Variants in CAPS2 observed in about 807,000 individuals in gnomAD.
The protein encoded by CAPS2 is calcyphosin-2.
In CAPS2, 98 loss-of-function variants were observed where a neutral mutation model predicts 86.5. The observed-to-expected ratio is 1.13, with a 90% CI of 0.96 to 1.34. The LOEUF (loss-of-function observed/expected upper bound fraction) is 1.34. CAPS2 is among the 40% of genes most tolerant of loss of function. The pLI is 0.00. For missense variants in CAPS2, 729 were observed against 686.8 expected, an observed-to-expected ratio of 1.06 and a Z score of -0.69; for synonymous variants, 210 against 225.1, an observed-to-expected ratio of 0.93 and a Z score of 0.60.
At chr12:75,313,318 C>T (rs1208442786) in intron 6 of CAPS2, among the ~76,000 whole-genome samples, 3 of 152,222 alleles carry the variant, frequency 2.0e-5, no homozygotes, top group South Asian at 2.1e-4. Flanking sequence ...AAATAAGCTT[C>T]GTCTAACACT....
intron 11 of CAPS2, among the ~76,000 whole-genome samples, chr12:75,298,016 C>CA (rs752272816): frequency 3.9e-5 from 6 of 152,154 alleles, no homozygotes; most frequent in Non-Finnish European, 7.4e-5. Flanking sequence ...CTGCCAGCTC[C>CA]AAAAAAGCAG....
At chr12:75,374,863 G>A (rs1357197019) in intron 1 of CAPS2, among the ~76,000 whole-genome samples, 1 of 152,116 alleles carries the variant, frequency 6.6e-6, no homozygotes, top group Non-Finnish European at 1.5e-5. Context: ...AACCACACAT[G>A]GTACAGCAGC....
chr12:75,289,886 T>C, intron 13 of CAPS2, 111 bp from the exon 14 acceptor site: 1 of 758,526 alleles, frequency 1.3e-6, no homozygotes, highest in Non-Finnish European at 2.1e-6. Context: ...ATAAGGAATG[T>C]GAATATTCAA....
intron 2 of CAPS2, among the ~76,000 whole-genome samples, chr12:75,324,168 T>C (rs1177988226): frequency 1.3e-5 from 2 of 152,202 alleles, no homozygotes; most frequent in African/African-American, 4.8e-5. Flanking sequence ...ATCACTCATG[T>C]CACTTTTTAA....
chr12:75,376,468 TA>T (rs1242157092), intron 1 of CAPS2, among the ~76,000 whole-genome samples: 4 of 152,222 alleles, frequency 2.6e-5, no homozygotes. Flanking sequence ...ATTATAGGTC[TA>T]GAAGCAAACA....
chr12:75,279,317 A>T (rs1470499603), intron 16 of CAPS2, among the ~76,000 whole-genome samples: 1 of 151,926 alleles, frequency 6.6e-6, no homozygotes, highest in Non-Finnish European at 1.5e-5. Flanking sequence ...AGTTTTTTTG[A>T]TCATAAATTT....
At chr12:75,289,478 G>A (rs1002974195) in intron 14 of CAPS2, 143 bp downstream of exon 14, 4 of 663,336 alleles carry the variant, frequency 6.0e-6, no homozygotes, top group South Asian at 2.5e-5. Flanking sequence ...AAACCAACAG[G>A]GCTTGTAACC....
chr12:75,285,045 A>G, exon 15 of CAPS2: 1 of 1,611,786 alleles, frequency 6.2e-7, no homozygotes, highest in Non-Finnish European at 8.5e-7. Flanking sequence ...TGCCATTGCC[A>G]TTGTCATTCA....
intron 7 of CAPS2, chr12:75,306,006 T>C: frequency 6.8e-7 from 1 of 1,462,600 alleles, no homozygotes; most frequent in Non-Finnish European, 9.4e-7. Flanking sequence ...CTCCTGCTCA[T>C]GATCCTGAGC....
At chr12:75,294,105 T>C (rs993160323) in intron 11 of CAPS2, among the ~76,000 whole-genome samples, 2 of 151,980 alleles carry the variant, frequency 1.3e-5, no homozygotes, top group African/African-American at 2.4e-5. Flanking sequence ...CTGGTTCTTA[T>C]CTTTATTTTT....
At chr12:75,295,499 T>A (rs2036726147) in intron 11 of CAPS2, among the ~76,000 whole-genome samples, 3 of 152,212 alleles carry the variant, frequency 2.0e-5, no homozygotes, top group South Asian at 4.1e-4. Flanking sequence ...ATGTTTTCAA[T>A]ACAAAAATAG....
At chr12:75,326,950 T>C (rs1295586521), upstream of CAPS2, among the ~76,000 whole-genome samples, 2 of 152,076 alleles carry the variant, frequency 1.3e-5, no homozygotes, top group Non-Finnish European at 2.9e-5. Context: ...ATGCTAGGCA[T>C]TCTGGTTCTG....
intron 1 of CAPS2, among the ~76,000 whole-genome samples, chr12:75,365,550 T>A (rs913278332): frequency 1.3e-5 from 2 of 152,116 alleles, no homozygotes; most frequent in Non-Finnish European, 2.9e-5. Context: ...AATACATTTT[T>A]AAAAAAATGT....
At chr12:75,389,985 A>C (rs1181179952) in intron 1 of CAPS2, among the ~76,000 whole-genome samples, 1 of 152,194 alleles carries the variant, frequency 6.6e-6, no homozygotes, top group East Asian at 1.9e-4. Context: ...TTGTTTTTCA[A>C]TTGTGTGCAT....
intron 1 of CAPS2, among the ~76,000 whole-genome samples, chr12:75,358,141 G>T (rs550526585): frequency 6.6e-6 from 1 of 151,166 alleles, no homozygotes; most frequent in South Asian, 2.1e-4. Context: ...GAGAACATAG[G>T]TGATAACACT....
chr12:75,389,683 G>T (rs2045474592), intron 1 of CAPS2, among the ~76,000 whole-genome samples: 1 of 152,138 alleles, frequency 6.6e-6, no homozygotes, highest in Admixed American at 6.5e-5. Flanking sequence ...CACATTACAT[G>T]CTTTTCCCTT....
chr12:75,370,163 TGA>T, intron 1 of CAPS2: 1 of 1,543,474 alleles, frequency 6.5e-7, no homozygotes, highest in Non-Finnish European at 8.9e-7. Flanking sequence ...TTTCTTCTTC[TGA>T]GAATCTTTTA....
intron 1 of CAPS2, among the ~76,000 whole-genome samples, chr12:75,376,594 G>A (rs548536083): frequency 4.6e-5 from 7 of 152,302 alleles, no homozygotes; most frequent in African/African-American, 1.2e-4. Context: ...GTATGGATGC[G>A]AGAAGGGATA....
chr12:75,381,190 G>A (rs2044949072), intron 1 of CAPS2, among the ~76,000 whole-genome samples: 1 of 152,172 alleles, frequency 6.6e-6, no homozygotes, highest in African/African-American at 2.4e-5. Context: ...AGTCTCATGA[G>A]ATCTGATGGG....
Sources: gnomAD v4.1 joint callset for allele counts (sites outside exome capture counted in the v4.1 genomes callset) on GRCh38, gnomAD v4.1.1 for gene constraint, MANE v1.5 for transcripts, NCBI Gene and HGNC (gene_info 2026-07-23, HGNC 2026-07-21) for gene names.